Variants in RAB33A observed in about 807,000 individuals in gnomAD.
RAB33A encodes ras-related protein Rab-33A.
Under a neutral mutation model 12.0 loss-of-function variants are expected in RAB33A, and 6 were observed. The observed-to-expected ratio is 0.50, with a 90% CI of 0.27 to 0.99. The LOEUF is 0.99. Ranked by LOEUF, RAB33A falls within the 50% of genes least tolerant of loss-of-function variation. The pLI is 0.11. For synonymous variants in RAB33A, 70 were observed against 82.4 expected, an observed-to-expected ratio of 0.85 and a Z score of 0.81; for missense variants, 109 against 192.0, an observed-to-expected ratio of 0.57 and a Z score of 2.55.
chrX:130,176,576 T>G (rs1327157300), intron 1 of RAB33A, among the ~76,000 whole-genome samples: 2 of 112,356 alleles, frequency 1.8e-5, no homozygotes, highest in African/African-American at 6.5e-5. Context: ...AAGTGTTCCT[T>G]GGAAGCTGCC....
chrX:130,179,575 C>T (rs1458354250), intron 1 of RAB33A, among the ~76,000 whole-genome samples: 4 of 109,040 alleles, frequency 3.7e-5, no homozygotes, highest in African/African-American at 1.3e-4. Context: ...CTGTGGTCTG[C>T]TCTCCCTTTC....
chrX:130,158,996 G>A, the RAB33A span, among the ~76,000 whole-genome samples: 2 of 111,328 alleles, frequency 1.8e-5, no homozygotes, highest in African/African-American at 6.6e-5. Flanking sequence ...CTGAAATCCT[G>A]GGGACCATGT....
the RAB33A span, among the ~76,000 whole-genome samples, chrX:130,153,884 C>T: frequency 8.9e-6 from 1 of 111,852 alleles, no homozygotes; most frequent in South Asian, 3.7e-4. Context: ...CCACTCAGTC[C>T]GTGGTGTTTT....
At chrX:130,133,594 A>G in the RAB33A span, 4 of 809,705 alleles carry the variant, frequency 4.9e-6, no homozygotes, top group Non-Finnish European at 7.1e-6. Flanking sequence ...CCAGAGTTGT[A>G]CTTAAACTAA....
At chrX:130,118,697 G>T in the RAB33A span, among the ~76,000 whole-genome samples, 1 of 111,934 alleles carries the variant, frequency 8.9e-6, no homozygotes, top group Non-Finnish European at 1.9e-5. Context: ...GTTTGTGTGT[G>T]TGAGGGTGTA....
chrX:130,139,462 C>T, the RAB33A span, among the ~76,000 whole-genome samples: 5 of 111,993 alleles, frequency 4.5e-5, no homozygotes, highest in Admixed American at 2.8e-4. Context: ...TCAGAAGTCT[C>T]TACACAGCAC....
At chrX:130,158,679 C>T in the RAB33A span, among the ~76,000 whole-genome samples, 1 of 76,250 alleles carries the variant, frequency 1.3e-5, no homozygotes, top group Non-Finnish European at 2.4e-5. Context: ...ATAAAATACA[C>T]TAACACTAAC....
the RAB33A span, chrX:130,133,266 G>A: frequency 6.7e-6 from 8 of 1,196,793 alleles, no homozygotes; most frequent in African/African-American, 7.1e-5. Context: ...TGGTCCTAGA[G>A]ATACTGAGTT....
At chrX:130,177,321 G>T (rs1259087736) in intron 1 of RAB33A, among the ~76,000 whole-genome samples, 1 of 112,717 alleles carries the variant, frequency 8.9e-6, no homozygotes, top group Non-Finnish European at 1.9e-5. Context: ...ACTAATATTT[G>T]CAGAGTGCTT....
At chrX:130,169,085 G>A (rs1487744154), upstream of RAB33A, among the ~76,000 whole-genome samples, 4 of 109,372 alleles carry the variant, frequency 3.7e-5, no homozygotes, top group African/African-American at 1.3e-4. Context: ...GCGGGCGCCT[G>A]TAGTCCCAGC....
At chrX:130,148,002 T>G in the RAB33A span, 26 of 807,826 alleles carry the variant, frequency 3.2e-5, no homozygotes, top group Non-Finnish European at 4.8e-5. Flanking sequence ...ACATATGACC[T>G]ACGCTAATCT....
the RAB33A span, among the ~76,000 whole-genome samples, chrX:130,123,282 C>T: frequency 8.9e-5 from 10 of 112,351 alleles, no homozygotes; most frequent in East Asian, 2.8e-4. Context: ...AGGCAGTGAG[C>T]GGCAGCACTG....
the RAB33A span, among the ~76,000 whole-genome samples, chrX:130,135,439 T>TTTTAA: frequency 1.4e-5 from 1 of 72,968 alleles, no homozygotes; most frequent in African/African-American, 5.9e-5. Flanking sequence ...TTTTTTTTTT[T>TTTTAA]AAAAAAAAAA....
the RAB33A span, chrX:130,147,552 T>C: frequency 8.2e-7 from 1 of 1,212,282 alleles, no homozygotes; most frequent in Non-Finnish European, 1.1e-6. Flanking sequence ...TTGGGTCATC[T>C]GAAAACCACA....
the RAB33A span, among the ~76,000 whole-genome samples, chrX:130,151,039 G>T: frequency 2.9e-5 from 3 of 105,223 alleles, no homozygotes; most frequent in Non-Finnish European, 5.8e-5. Flanking sequence ...GTACCCCACA[G>T]GGTCAACAAA....
the RAB33A span, among the ~76,000 whole-genome samples, chrX:130,111,051 C>T: frequency 7.8e-5 from 8 of 102,351 alleles, no homozygotes; most frequent in East Asian, 3.2e-4. Context: ...TCGGTGGAAA[C>T]AGCGCCCGTC....
the RAB33A span, among the ~76,000 whole-genome samples, chrX:130,119,203 C>T: frequency 5.4e-5 from 6 of 110,708 alleles, no homozygotes; most frequent in African/African-American, 2.0e-4. Context: ...CCAGGGGCTT[C>T]GGTTCCTCCC....
the RAB33A span, among the ~76,000 whole-genome samples, chrX:130,132,340 G>A: frequency 2.7e-5 from 3 of 112,123 alleles, no homozygotes; most frequent in African/African-American, 6.5e-5. Context: ...ATATCCATGC[G>A]GTGATTGAAA....
At chrX:130,127,691 C>CT in the RAB33A span, among the ~76,000 whole-genome samples, 569 of 76,955 alleles carry the variant, frequency 7.4e-3, 19 homozygotes, top group African/African-American at 0.028. Flanking sequence ...ATGAGTTTTC[C>CT]TTTTTTTTTT....
Sources: allele counts gnomAD v4.1 joint callset (sites outside exome capture counted in the v4.1 genomes callset), GRCh38; gene constraint gnomAD v4.1.1; transcripts MANE v1.5; gene names NCBI Gene and HGNC (gene_info 2026-07-23, HGNC 2026-07-21).